VDAC1: variants seen among roughly 807,000 people sequenced by gnomAD.
VDAC1 encodes voltage dependent anion channel 1, also known as non-selective voltage-gated ion channel VDAC1.
A neutral mutation model predicts 34.7 loss-of-function variants in VDAC1; 10 were observed. That is an observed-to-expected ratio of 0.29 (90% CI 0.18 to 0.49). The LOEUF (loss-of-function observed/expected upper bound fraction) is 0.49. Ranked by LOEUF, VDAC1 falls within the 20% of genes least tolerant of loss-of-function variation. The pLI, the probability that VDAC1 is intolerant of heterozygous loss-of-function variation, is 0.99. For missense variants in VDAC1, 230 were observed against 347.9 expected, an observed-to-expected ratio of 0.66 and a Z score of 2.69; for synonymous variants, 130 against 136.0, an observed-to-expected ratio of 0.96 and a Z score of 0.30.
rs552570393 is a variant in VDAC1, at chr5:133,990,468, C to T, written c.323+387G>A. Among the ~76,000 whole-genome samples the T allele has an allele frequency of 4.5e-4, 68 of 152,318 alleles. 1 individual carries two copies. The South Asian group carries it at 0.013, about 28-fold the overall frequency. On this transcript the variant is annotated intron_variant, in intron 5 of 8. Transcript: ENST00000265333. ...ATGGCAGAAACTAGGAGAACACTAACAAAATGCAGAATCTTATTACAAAAC... is the reference window on the plus strand; with the variant it reads ...ATGGCAGAAACTAGGAGAACACTAATAAAATGCAGAATCTTATTACAAAAC...
the VDAC1 span, among the ~76,000 whole-genome samples, chr5:134,050,970 A>C: frequency 6.6e-6 from 1 of 151,910 alleles, no homozygotes; most frequent in African/African-American, 2.4e-5. Flanking sequence ...GCATGTGTGA[A>C]CTCCTGGCTG....
chr5:133,988,867 A>G (rs6878448), intron 5 of VDAC1: 94,101 of 151,980 alleles, frequency 0.62, 29,327 homozygotes, highest in Admixed American at 0.64. Context: ...GAAGGAAATC[A>G]CCTACAAATT....
chr5:134,048,043 C>T, the VDAC1 span, among the ~76,000 whole-genome samples: 1 of 151,408 alleles, frequency 6.6e-6, no homozygotes, highest in African/African-American at 2.4e-5. Context: ...AAAGCTAGTT[C>T]TGCAAGCTCC....
the VDAC1 span, among the ~76,000 whole-genome samples, chr5:134,046,515 C>A: frequency 3.8e-4 from 58 of 152,104 alleles, no homozygotes; most frequent in African/African-American, 1.3e-3. Flanking sequence ...CTGCAAAGTC[C>A]GTTTTGCCAT....
intron 5 of VDAC1, chr5:133,988,953 T>C (rs10056789): frequency 0.21 from 32,526 of 152,216 alleles, 3,748 homozygotes; most frequent in East Asian, 0.45. Flanking sequence ...TCCTCCAGCC[T>C]CTCATCCTAT....
chr5:134,098,834 G>A, the VDAC1 span, among the ~76,000 whole-genome samples: 1 of 152,108 alleles, frequency 6.6e-6, no homozygotes, highest in Admixed American at 6.6e-5. Flanking sequence ...AAGTGCAAAA[G>A]GTCCAAGTTC....
chr5:134,007,010 G>A (rs1038075375), upstream of VDAC1, among the ~76,000 whole-genome samples: 26 of 151,928 alleles, frequency 1.7e-4, no homozygotes, highest in African/African-American at 5.6e-4. Flanking sequence ...TTGGGAGGCT[G>A]AGGCGGCTGG....
intron 7 of VDAC1, 90 bp downstream of exon 7, chr5:133,975,781 T>A: frequency 6.4e-7 from 1 of 1,562,896 alleles, no homozygotes; most frequent in Non-Finnish European, 8.7e-7. Flanking sequence ...TTGAGTAAGC[T>A]GAAGCACAGC....
chr5:134,050,599 T>C, the VDAC1 span, among the ~76,000 whole-genome samples: 3 of 152,186 alleles, frequency 2.0e-5, no homozygotes, highest in Non-Finnish European at 4.4e-5. Context: ...TTAATGACTT[T>C]CTCTCAAAGT....
At chr5:134,004,051 C>T (rs1753662556) in intron 1 of VDAC1, among the ~76,000 whole-genome samples, 1 of 152,230 alleles carries the variant, frequency 6.6e-6, no homozygotes, top group African/African-American at 2.4e-5. Context: ...CCGCCTAAGT[C>T]GACTCTCGGC....
chr5:134,028,056 C>G, the VDAC1 span, among the ~76,000 whole-genome samples: 1 of 151,148 alleles, frequency 6.6e-6, no homozygotes, highest in African/African-American at 2.4e-5. Context: ...CAGGCATGAG[C>G]CACTGTGCCT....
chr5:134,068,209 T>TC, the VDAC1 span, among the ~76,000 whole-genome samples: 6 of 152,198 alleles, frequency 3.9e-5, no homozygotes, highest in Non-Finnish European at 7.3e-5. Context: ...TATTTTTTTT[T>TC]CTCATTTTAA....
At chr5:134,100,544 G>C in the VDAC1 span, among the ~76,000 whole-genome samples, 1 of 152,164 alleles carries the variant, frequency 6.6e-6, no homozygotes, top group Non-Finnish European at 1.5e-5. Flanking sequence ...CTCCTGCCTA[G>C]AGGTAGCAGC....
chr5:134,045,226 A>C, the VDAC1 span, among the ~76,000 whole-genome samples: 1 of 152,358 alleles, frequency 6.6e-6, no homozygotes, highest in South Asian at 2.1e-4. Context: ...CATCAGCTTC[A>C]GTCAAGAAAG....
the VDAC1 span, among the ~76,000 whole-genome samples, chr5:134,023,550 T>C: frequency 1.3e-5 from 2 of 151,916 alleles, no homozygotes; most frequent in Non-Finnish European, 2.9e-5. Flanking sequence ...TATGTAATTA[T>C]GGATTTTGAT....
chr5:134,043,873 C>T, the VDAC1 span, among the ~76,000 whole-genome samples: 4 of 152,092 alleles, frequency 2.6e-5, no homozygotes, highest in African/African-American at 9.7e-5. Context: ...TTCTTAAGCT[C>T]CCATTTTTTT....
At chr5:134,039,429 G>T in the VDAC1 span, among the ~76,000 whole-genome samples, 13 of 151,962 alleles carry the variant, frequency 8.6e-5, no homozygotes, top group South Asian at 6.2e-4. Context: ...CCTGGGTTCT[G>T]GCCATTCTCC....
chr5:134,024,589 G>A, the VDAC1 span, among the ~76,000 whole-genome samples: 1 of 140,906 alleles, frequency 7.1e-6, no homozygotes, highest in Non-Finnish European at 1.5e-5. Flanking sequence ...CTCTCATCAA[G>A]AGATAGAAAC....
At chr5:134,047,350 G>A in the VDAC1 span, among the ~76,000 whole-genome samples, 1 of 152,130 alleles carries the variant, frequency 6.6e-6, no homozygotes, top group Admixed American at 6.5e-5. Context: ...GCCACAGAGA[G>A]GGGGCCACTT....
Sources: allele counts gnomAD v4.1 joint callset (sites outside exome capture counted in the v4.1 genomes callset), GRCh38; gene constraint gnomAD v4.1.1; transcripts MANE v1.5; gene names NCBI Gene and HGNC (gene_info 2026-07-23, HGNC 2026-07-21).